Variants in PRAMEF19 observed in about 807,000 individuals in gnomAD.
PRAMEF19 encodes the protein PRAME family member-like.
PRAMEF19 carries 21 observed loss-of-function variants against 33.1 expected under a neutral mutation model. The ratio of observed to expected loss-of-function variants is 0.63; its 90% CI spans 0.45 to 0.91. PRAMEF19 has a LOEUF of 0.91. Ranked by LOEUF, PRAMEF19 falls within the 40% of genes least tolerant of loss-of-function variation. The pLI, the probability that PRAMEF19 is intolerant of heterozygous loss-of-function variation, is 0.00. For missense variants in PRAMEF19, 481 were observed against 585.2 expected (o/e 0.82, Z 1.84); for synonymous variants, 179 against 229.3 (o/e 0.78, Z 1.98).
rs1207942255 is a variant in PRAMEF19, at chr1:13,370,493, T to C, written c.866+156A>G. On this transcript the variant is annotated intron_variant, in intron 2 of 2. Coordinates refer to ENST00000376101, the Ensembl canonical transcript of PRAMEF19. ...ACTGGAGCGATCCTGTGATACCCAC[T>C]TCAGGATATAGAGCACCAAACAGGA... 6.6e-5 allele frequency among the ~76,000 whole-genome samples: 10 copies of C among 152,046 alleles called. 1 individual carries two copies. The highest frequency in any genetic ancestry group is 2.4e-4 in the African/African-American group (10 of 41,420).
downstream of PRAMEF19, among the ~76,000 whole-genome samples, chr1:13,368,867 A>T (rs1358084258): frequency 3.3e-5 from 5 of 152,182 alleles, no homozygotes; most frequent in Non-Finnish European, 7.3e-5. Context: ...TAATCCCAGA[A>T]TCTTGGGAGG....
downstream of PRAMEF19, among the ~76,000 whole-genome samples, chr1:13,368,478 A>C (rs1339739892): frequency 6.6e-6 from 1 of 152,256 alleles, no homozygotes; most frequent in Non-Finnish European, 1.5e-5. Context: ...GATGAACTTA[A>C]ATCACAGATG....
At position 13,369,145 on chromosome 1, in the gene PRAMEF19, G is replaced by A. The variant is rs548583032; in HGVS notation, c.1362C>T (p.Pro454=). The A allele has an allele frequency of 2.1e-5, 34 of 1,611,836 alleles. 1 individual carries two copies. The highest frequency in any genetic ancestry group is 2.3e-4 in the Middle Eastern group (1 of 4,430). Reference sequence around the variant, plus strand: ...ACATGCCACAGCAAGGGCAGGAGACGGGACCAAAGAAGATCCTGTTGGGCT... The same window carrying A: ...ACATGCCACAGCAAGGGCAGGAGACAGGACCAAAGAAGATCCTGTTGGGCT... The change falls in exon 3 of 3, where the codon CCC becomes CCT. Residue 454 remains proline, a synonymous_variant. Coordinates refer to ENST00000376101, the Ensembl canonical transcript of PRAMEF19.
chr1:13,369,234 C>G (rs1475738599), exon 3 of PRAMEF19: 1 of 1,612,046 alleles, frequency 6.2e-7, no homozygotes. Context: ...TCCGAAATGA[C>G]ACGACCCCTG....
chr1:13,368,453 C>T (rs1168841890), downstream of PRAMEF19, among the ~76,000 whole-genome samples: 12 of 152,040 alleles, frequency 7.9e-5, no homozygotes, highest in Admixed American at 6.6e-4. Context: ...TATTTTGATT[C>T]CTTTATTTCC....
chr1:13,369,027 C>T, downstream of PRAMEF19: 1 of 1,611,446 alleles, frequency 6.2e-7, no homozygotes, highest in South Asian at 1.1e-5. Context: ...ATTTTAGTTT[C>T]CAAGTGCCTG....
At position 13,370,724 on chromosome 1, in the gene PRAMEF19, AG is replaced by A; in HGVS notation, c.790del (p.Leu264SerfsTer11). ...AAGCATCTGGAGGTACTCCAGCCTGAGGAACACAGAGCTGAATTCAGCAACT... is the reference window on the plus strand; with the variant it reads ...AAGCATCTGGAGGTACTCCAGCCTGAGAACACAGAGCTGAATTCAGCAACT... On this transcript the variant is annotated frameshift_variant, in exon 2 of 3. Transcript: ENST00000376101. LOFTEE classifies it high-confidence loss of function. 1 of 1,613,964 alleles carries A rather than the reference AG, an allele frequency of 6.2e-7. No homozygotes were observed. Among genetic ancestry groups the A allele is most frequent in the Admixed American group, 1.7e-5 (1 of 60,008 alleles).
At chr1:13,371,525 A>G in intron 1 of PRAMEF19, 89 bp downstream of exon 1, 3 of 1,594,112 alleles carry the variant, frequency 1.9e-6, no homozygotes, top group Admixed American at 3.4e-5. Context: ...CACCATCAGA[A>G]GCCCCTGGGC....
chr1:13,370,816 ATTC>A, exon 2 of PRAMEF19: 2 of 1,613,972 alleles, frequency 1.2e-6, no homozygotes, highest in Non-Finnish European at 1.7e-6. Context: ...GTTTTCGAAG[ATTC>A]TTCATCTGGC....
At chr1:13,371,068 C>T in exon 2 of PRAMEF19, 1 of 1,612,102 alleles carries the variant, frequency 6.2e-7, no homozygotes, top group Admixed American at 1.7e-5. Context: ...CATCCATGAA[C>T]ACCTTCAAGG....
chr1:13,369,690 G>A lies in PRAMEF19; in HGVS notation c.867-50C>T, dbSNP rs1434019728. 152 of 1,610,342 alleles carry A rather than the reference G, an allele frequency of 9.4e-5. No individual in the cohort carries two copies. In the South Asian group the frequency reaches 9.7e-4, roughly 10 times the overall value. ...TGGGCAATGGCACCAGTTAGAGGAC[G>A]GTGGTAGAAAATAACGTCAAGGGAA... On this transcript the variant is annotated intron_variant, in intron 2 of 2. Coordinates refer to ENST00000376101, the Ensembl canonical transcript of PRAMEF19.
chr1:13,371,491 G>A (rs1640671977), intron 1 of PRAMEF19, 123 bp downstream of exon 1: 1 of 1,399,086 alleles, frequency 7.1e-7, no homozygotes, highest in Middle Eastern at 2.6e-4. Flanking sequence ...CAATAGCCAA[G>A]AACGTTCCCA....
chr1:13,371,781 G>C, exon 1 of PRAMEF19: 2 of 1,611,550 alleles, frequency 1.2e-6, no homozygotes, highest in African/African-American at 1.3e-5. Context: ...AGGCCTCCAC[G>C]AACAGTCGGG....
chr1:13,369,283 G>A (rs1282738349), exon 3 of PRAMEF19: 7 of 1,611,932 alleles, frequency 4.3e-6, no homozygotes, highest in Admixed American at 1.7e-5. Flanking sequence ...ATGTTTCCAG[G>A]CTCAAATTGC....
exon 3 of PRAMEF19, chr1:13,369,067 C>T (rs1352968323): frequency 6.2e-7 from 1 of 1,612,020 alleles, no homozygotes; most frequent in Non-Finnish European, 8.5e-7. Context: ...CTCCACCCCA[C>T]TAGGCAGGCC....
In PRAMEF19 at chr1:13,370,812, G is replaced by A. The variant is rs1388603521; in HGVS notation, c.703C>T (p.Arg235Ter). ...CAGCCATCGGAGATGAAGAGTTTTC[G>A]AAGATTCTTCATCTGGCTCAGGTAA... The change falls in exon 2 of 3, where the codon CGA (arginine) becomes TGA (stop). Residue 235 changes from arginine (R) to a stop codon, truncating the protein, a stop_gained. Coordinates refer to ENST00000376101, the Ensembl canonical transcript of PRAMEF19. LOFTEE classifies it high-confidence loss of function. 2.2e-5 allele frequency: 35 copies of A among 1,613,928 alleles called. No homozygotes were observed. The highest frequency in any genetic ancestry group is 2.4e-5 in the Non-Finnish European group (28 of 1,179,868).
exon 3 of PRAMEF19, chr1:13,369,358 G>A (rs12123444): frequency 0.055 from 50,381 of 921,864 alleles, 1 homozygote; most frequent in South Asian, 0.16. Flanking sequence ...TGCCGTGAAA[G>A]CAGAAAGTGG....
chr1:13,370,342 AAC>A (rs1640655254), intron 2 of PRAMEF19, among the ~76,000 whole-genome samples: 2 of 152,304 alleles, frequency 1.3e-5, no homozygotes, highest in African/African-American at 4.8e-5. Context: ...ATTAACTTTA[AAC>A]ACACTTCCTA....
rs2100381150 is a variant in PRAMEF19 at position 13,369,546 on chromosome 1, G to A, written c.961C>T (p.Gln321Ter). 23 of 1,613,928 alleles carry A rather than the reference G, an allele frequency of 1.4e-5. No homozygotes were observed. The East Asian group carries it at 4.7e-4, about 33-fold the overall frequency. ...TGACTCAGATTCAGCTGCTTCAGTT[G>A]ACTGAGACTTGGGTACCAGGGCAGA... The change falls in exon 3 of 3, where the codon CAA becomes TAA. Residue 321 changes from glutamine to a stop codon, truncating the protein, a stop_gained. Transcript: ENST00000376101. LOFTEE classifies it high-confidence loss of function.
Sources: gnomAD v4.1 joint callset for allele counts (sites outside exome capture counted in the v4.1 genomes callset) on GRCh38, gnomAD v4.1.1 for gene constraint, MANE v1.5 for transcripts, NCBI Gene and HGNC (gene_info 2026-07-23, HGNC 2026-07-21) for gene names.